HPN: variants seen among roughly 807,000 people sequenced by gnomAD.
The protein encoded by HPN is serine protease hepsin.
In HPN, 13 loss-of-function variants were observed where a neutral mutation model predicts 55.9. The ratio of observed to expected loss-of-function variants is 0.23; its 90% CI spans 0.15 to 0.37. The LOEUF (loss-of-function observed/expected upper bound fraction) is 0.37, where lower values mean the gene tolerates loss of function less well. Ranked by LOEUF, HPN falls within the 10% of genes least tolerant of loss-of-function variation. The pLI, the probability that HPN is intolerant of heterozygous loss-of-function variation, is 1.00. For synonymous variants in HPN, 225 were observed against 240.3 expected, an observed-to-expected ratio of 0.94 and a Z score of 0.59; for missense variants, 451 against 575.8, an observed-to-expected ratio of 0.78 and a Z score of 2.22.
intron 12 of HPN, 70 bp from the exon 13 acceptor site, chr19:35,066,179 G>A: frequency 6.2e-7 from 1 of 1,613,770 alleles, no homozygotes; most frequent in Non-Finnish European, 8.5e-7. Context: ...AGGGTTCCTG[G>A]GGAAGGGAAG....
At chr19:35,051,879 C>A (rs751610396) in intron 4 of HPN, among the ~76,000 whole-genome samples, 1 of 152,108 alleles carries the variant, frequency 6.6e-6, no homozygotes, top group African/African-American at 2.4e-5. Context: ...AGAGACAGAG[C>A]GAAGGGATCA....
intron 2 of HPN, among the ~76,000 whole-genome samples, chr19:35,046,149 G>A (rs528035011): frequency 6.6e-6 from 1 of 152,352 alleles, no homozygotes; most frequent in African/African-American, 2.4e-5. Context: ...GGACAGGCAG[G>A]GGTCAGCCGG....
intron 1 of HPN, 53 bp downstream of exon 1, chr19:35,041,925 C>T: frequency 7.9e-7 from 1 of 1,273,836 alleles, no homozygotes; most frequent in South Asian, 1.3e-5. Flanking sequence ...ACAGGGGTTC[C>T]CTCATCCCCC....
At chr19:35,055,730 A>G (rs573117114) in intron 4 of HPN, among the ~76,000 whole-genome samples, 37 of 149,768 alleles carry the variant, frequency 2.5e-4, no homozygotes, top group East Asian at 6.0e-4. Flanking sequence ...CTGCCCCCCA[A>G]TCATATCCCA....
intron 4 of HPN, 73 bp from the exon 5 acceptor site, chr19:35,059,600 G>A: frequency 6.5e-7 from 1 of 1,536,486 alleles, no homozygotes; most frequent in South Asian, 1.2e-5. Context: ...GGCCAGGAGG[G>A]GCTCCGGCTG....
In HPN at chr19:35,060,719, T is replaced by C; in HGVS notation, c.713T>C (p.Val238Ala). 6.2e-7 allele frequency: 1 copy of C among 1,614,112 alleles called. No individual in the cohort carries two copies. Among genetic ancestry groups the C allele is most frequent in the Non-Finnish European group, 8.5e-7 (1 of 1,180,020 alleles). The change falls in exon 9 of 13, where the codon GTC becomes GCC. Residue 238 changes from valine (V) to alanine (A), a missense_variant. Around this residue, in one of 2 missense-constraint regions of HPN, gnomAD observed 378 missense variants for 445.5 expected, o/e 0.85. Transcript: ENST00000672452. ...CTGCAGCTGGGGGTGCAGGCTGTGG[T>C]CTACCACGGGGGCTATCTTCCCTTT... ...HGLQLGVQAV[V>A]YHGGYLPFRD...
intron 2 of HPN, among the ~76,000 whole-genome samples, chr19:35,048,692 G>A (rs1170547866): frequency 2.6e-5 from 4 of 152,046 alleles, no homozygotes; most frequent in African/African-American, 9.7e-5. Context: ...CCAGGAGTTT[G>A]AGACCAGCCT....
chr19:35,051,153 G>C (rs1284290219), intron 4 of HPN, among the ~76,000 whole-genome samples: 1 of 152,016 alleles, frequency 6.6e-6, no homozygotes, highest in African/African-American at 2.4e-5. Flanking sequence ...GTGTCGCCCA[G>C]GCAGGAGTGC....
At chr19:35,058,334 C>A (rs2064479716) in intron 4 of HPN, among the ~76,000 whole-genome samples, 1 of 149,032 alleles carries the variant, frequency 6.7e-6, no homozygotes, top group Non-Finnish European at 1.5e-5. Context: ...CACCTGCCAT[C>A]ATGCCTGGCT....
At chr19:35,059,488 A>G (rs1316813887) in intron 4 of HPN, 185 bp from the exon 5 acceptor site, 2 of 787,362 alleles carry the variant, frequency 2.5e-6, no homozygotes, top group Non-Finnish European at 4.3e-6. Context: ...TCTTTAAAAA[A>G]AAAAAGTCCT....
Position 35,061,485 on chromosome 19 carries a change from T to G in HPN, c.811+668T>G, listed in dbSNP as rs557161939. Among the ~76,000 whole-genome samples, 3 of 151,732 alleles carry G rather than the reference T, an allele frequency of 2.0e-5. No homozygotes were observed. The South Asian group carries it at 6.3e-4, about 32-fold the overall frequency. ...GGCACACGCCTGTAATCCCAGCTAC[T>G]CGGGAGGATGAGGCAGGAGAATCTC... On this transcript the variant is annotated intron_variant, in intron 9 of 12. Coordinates refer to ENST00000672452, the MANE Select transcript of HPN (RefSeq NM_001384133.1).
At chr19:35,050,516 T>C (rs1398416488) in intron 4 of HPN, 3 of 1,289,100 alleles carry the variant, frequency 2.3e-6, no homozygotes, top group Non-Finnish European at 2.0e-6. Context: ...CTTAGACTTA[T>C]CCACTGTAAG....
intron 9 of HPN, among the ~76,000 whole-genome samples, chr19:35,062,341 A>C (rs558567464): frequency 6.6e-6 from 1 of 152,326 alleles, no homozygotes; most frequent in East Asian, 1.9e-4. Context: ...GTGCCTTTAA[A>C]AGGAATTGTC....
rs2064597754 is a variant in HPN at position 35,065,571 on chromosome 19, G to A, written c.940G>A (p.Val314Ile). The A allele has an allele frequency of 6.2e-7, 1 of 1,614,126 alleles. No individual in the cohort carries two copies. Among genetic ancestry groups the A allele is most frequent in the South Asian group, 1.1e-5 (1 of 91,090 alleles). The stretch of plus-strand genomic sequence containing the variant: ...GGCCGGGGTACTCCAGGAGGCTCGA[G>A]TCCCCATAATCAGCAATGATGTCTG... ...QQAGVLQEAR[V>I]PIISNDVCNG... The change falls in exon 11 of 13, where the codon GTC becomes ATC. Residue 314 changes from valine to isoleucine, a missense_variant. Around this residue, in one of 2 missense-constraint regions of HPN, gnomAD observed 378 missense variants for 445.5 expected, o/e 0.85. Transcript: ENST00000672452.
chr19:35,066,558 A>G lies in HPN; in HGVS notation c.*271A>G. 1.9e-6 allele frequency: 1 copy of G among 515,702 alleles called. No individual in the cohort carries two copies. Among genetic ancestry groups the G allele is most frequent in the Non-Finnish European group, 3.4e-6 (1 of 290,606 alleles). 31.9% of individuals were successfully genotyped at this position (515,702 alleles called of 1,614,324 possible). Reference sequence around the variant, plus strand: ...TGACGGGATGCTCTTTAAATAATAAAGATGGTTTTGATTAATGTGGCCTCC... The same window carrying G: ...TGACGGGATGCTCTTTAAATAATAAGGATGGTTTTGATTAATGTGGCCTCC... On this transcript the variant is annotated 3_prime_UTR_variant, in exon 13 of 13. Coordinates refer to ENST00000672452, the MANE Select transcript of HPN (RefSeq NM_001384133.1).
rs767377676 is a variant in HPN at position 35,060,335 on chromosome 19, C to T, written c.455-12C>T. On this transcript the variant is annotated splice_polypyrimidine_tract_variant and intron_variant, in intron 7 of 12. Transcript: ENST00000672452. Reference sequence around the variant, plus strand: ...CCCCTGTCGCCGCCCCCTGCTGACCCTTGTCCCACAGACTGTGGCCGCAGG... The same window carrying T: ...CCCCTGTCGCCGCCCCCTGCTGACCTTTGTCCCACAGACTGTGGCCGCAGG... 5.6e-6 allele frequency: 9 copies of T among 1,610,644 alleles called. No homozygotes were observed. In the South Asian group the frequency reaches 9.9e-5, roughly 18 times the overall value.
At chr19:35,041,577 A>G (rs2064293710), upstream of HPN, 5 of 1,135,520 alleles carry the variant, frequency 4.4e-6, no homozygotes, top group South Asian at 6.7e-5. Context: ...CTGGAGGTCC[A>G]AGGCAAGCCC....
intron 2 of HPN, among the ~76,000 whole-genome samples, chr19:35,042,915 G>A (rs2064308296): frequency 6.6e-6 from 1 of 152,154 alleles, no homozygotes; most frequent in Non-Finnish European, 1.5e-5. Context: ...TTTTTGCTGT[G>A]TGATCTGGTG....
At chr19:35,061,401 C>T (rs1459221352) in intron 9 of HPN, among the ~76,000 whole-genome samples, 3 of 151,988 alleles carry the variant, frequency 2.0e-5, no homozygotes, top group Non-Finnish European at 4.4e-5. Flanking sequence ...AAAAATTAGC[C>T]TGGCCAACAT....
Sources: allele counts gnomAD v4.1 joint callset (sites outside exome capture counted in the v4.1 genomes callset), GRCh38; gene constraint gnomAD v4.1.1; regional missense constraint gnomAD v4.1.1; transcripts MANE v1.5; gene names NCBI Gene and HGNC (gene_info 2026-07-23, HGNC 2026-07-21).